The following FREM1 variants were observed in gnomAD, a reference collection of about 807,000 sequenced individuals.
FREM1 encodes the protein FRAS1 related extracellular matrix 1.
In FREM1, 220 loss-of-function variants were observed where a neutral mutation model predicts 210.1. The observed-to-expected ratio is 1.05, with a 90% confidence interval of 0.94 to 1.17. The LOEUF is 1.17. FREM1 is among the 50% of genes most tolerant of loss of function. The probability of loss-of-function intolerance (pLI) is 0.00; values close to 1 mark genes in which losing one functional copy is unlikely to be tolerated. For synonymous variants in FREM1, 1,189 were observed against 980.2 expected, an observed-to-expected ratio of 1.21 and a Z score of -3.98; for missense variants, 3,454 against 2,675.5, an observed-to-expected ratio of 1.29 and a Z score of -6.42.
At chr9:14,739,598 ATAAT>A (rs1216219323) in intron 36 of FREM1, among the ~76,000 whole-genome samples, 2 of 148,886 alleles carry the variant, frequency 1.3e-5, no homozygotes, top group African/African-American at 4.9e-5. Context: ...CCACATGCAT[ATAAT>A]TGTTTTTATT....
intron 23 of FREM1, among the ~76,000 whole-genome samples, chr9:14,785,301 T>G (rs1258475926): frequency 6.6e-6 from 1 of 152,230 alleles, no homozygotes; most frequent in Non-Finnish European, 1.5e-5. Flanking sequence ...ATGTAGTTTA[T>G]TAACATTCAT....
Position 14,746,975 on chromosome 9 carries a change from T to C in FREM1, c.6086A>G (p.Lys2029Arg), listed in dbSNP as rs886063765. ...GLFHFEEGIQ[K>R]LYQCNGIAWK... is the part of the protein sequence containing the mutation. Reference sequence around the variant, plus strand: ...GGCGATCCCATTGCACTGATACAGCTTCTGGATGCCTTCTTCAAAATGGAA... The same window carrying C: ...GGCGATCCCATTGCACTGATACAGCCTCTGGATGCCTTCTTCAAAATGGAA... Residue 2029 changes from lysine to arginine, a missense_variant, in exon 34 of 37, where the codon AAG becomes AGG. Physicochemically the swap from Lys to Arg is conservative, Grantham distance 26 (BLOSUM62 2). Coordinates refer to ENST00000380880, the MANE Select transcript of FREM1 (RefSeq NM_001379081.2). The C allele has an allele frequency of 6.2e-7, 1 of 1,613,440 alleles. No homozygotes were observed. The highest frequency in any genetic ancestry group is 8.5e-7 in the Non-Finnish European group (1 of 1,179,694).
intron 34 of FREM1, 86 bp from the exon 35 acceptor site, chr9:14,746,554 A>C: frequency 9.8e-7 from 1 of 1,017,420 alleles, no homozygotes; most frequent in Non-Finnish European, 1.5e-6. Flanking sequence ...GAGTTCCCTA[A>C]CTTCAGTCAA....
At position 14,746,337 on chromosome 9, in the gene FREM1, C is replaced by A. The variant is rs758946037; in HGVS notation, c.6254+16G>T. 2.6e-5 allele frequency: 41 copies of A among 1,551,598 alleles called. No homozygotes were observed. Among genetic ancestry groups the A allele is most frequent in the Non-Finnish European group, 8.9e-7 (1 of 1,124,380 alleles). The stretch of plus-strand genomic sequence containing the variant: ...GAAAAGAAAACACCAATCAAATGTG[C>A]AATAGGGTGCCTTACTGTTCCCTGC... On this transcript the variant is annotated intron_variant, in intron 35 of 36. Coordinates refer to ENST00000380880, the MANE Select transcript of FREM1 (RefSeq NM_001379081.2).
intron 1 of FREM1, among the ~76,000 whole-genome samples, chr9:14,891,243 T>C (rs2132377776): frequency 6.6e-6 from 1 of 152,380 alleles, no homozygotes; most frequent in South Asian, 2.1e-4. Context: ...ATTTTCAGAA[T>C]GTATCTTGGC....
At chr9:14,893,852 G>A (rs1223649549) in intron 1 of FREM1, among the ~76,000 whole-genome samples, 2 of 152,118 alleles carry the variant, frequency 1.3e-5, no homozygotes, top group Non-Finnish European at 2.9e-5. Flanking sequence ...AAAATTAATT[G>A]TAAAAGAGAT....
At chr9:14,805,388 C>G (rs1011733317) in intron 18 of FREM1, among the ~76,000 whole-genome samples, 7 of 152,194 alleles carry the variant, frequency 4.6e-5, no homozygotes, top group African/African-American at 1.2e-4. Context: ...AAGAGTAATA[C>G]TTTTTAACCA....
intron 24 of FREM1, chr9:14,779,673 A>T (rs923920): frequency 0.55 from 89,054 of 161,640 alleles, 25,455 homozygotes; most frequent in African/African-American, 0.71. Flanking sequence ...CCCTGCTGGA[A>T]GATCGTGATC....
Position 14,880,402 on chromosome 9 carries a change from G to A in FREM1, c.-267-11158C>T, listed in dbSNP as rs1360848505. Among the ~76,000 whole-genome samples, 8 of 151,976 alleles carry A rather than the reference G, an allele frequency of 5.3e-5. No homozygotes were observed. The South Asian group carries it at 6.2e-4, about 12-fold the overall frequency. ...GTGGATCACCTGAAGTCAGGAGTTC[G>A]AGACCAGCCTGGCCAACATGTCAAA... On this transcript the variant is annotated intron_variant, in intron 1 of 36. Coordinates refer to ENST00000380880, the MANE Select transcript of FREM1 (RefSeq NM_001379081.2).
intron 1 of FREM1, among the ~76,000 whole-genome samples, chr9:14,907,844 G>A (rs1055234208): frequency 1.3e-5 from 2 of 152,184 alleles, no homozygotes; most frequent in South Asian, 2.1e-4. Flanking sequence ...TCAGAGCTAG[G>A]AAGATACCAA....
rs187755489 is a variant in FREM1 at position 14,812,062 on chromosome 9, G to A, written c.2893+750C>T. Among the ~76,000 whole-genome samples, 15 of 152,282 alleles carry A rather than the reference G, an allele frequency of 9.9e-5. 1 individual carries two copies. The highest frequency in any genetic ancestry group is 9.8e-4 in the Admixed American group (15 of 15,298). On this transcript the variant is annotated intron_variant, in intron 16 of 36. Transcript: ENST00000380880. ...TGATGTGATGATGTGCAGTGTGTCA[G>A]TGTCAGTCACACTGTCATCTTTGCA...
chr9:14,777,760 G>C (rs367919302), intron 24 of FREM1, among the ~76,000 whole-genome samples: 18 of 152,174 alleles, frequency 1.2e-4, no homozygotes, highest in African/African-American at 3.9e-4. Flanking sequence ...TTCAGGGTTT[G>C]AGCATTGATC....
chr9:14,750,243 G>A lies in FREM1; in HGVS notation c.5441C>T (p.Thr1814Ile). The change falls in exon 30 of 37, where the codon ACC (threonine) becomes ATC (isoleucine). Residue 1814 changes from threonine (T) to isoleucine (I), a missense_variant. Thr to Ile is a moderately conservative substitution (Grantham distance 89). Coordinates refer to ENST00000380880, the MANE Select transcript of FREM1 (RefSeq NM_001379081.2). ...ATCATCTTCCTCTAATCCGTCATAG[G>A]TAATTGCTATATTCCACATCTTAGT... ...MSTKMWNIAITYDGLEEDDEV... is the reference protein window; with the variant it reads ...MSTKMWNIAIIYDGLEEDDEV... The A allele has an allele frequency of 6.2e-7, 1 of 1,612,426 alleles. No homozygotes were observed. Among genetic ancestry groups the A allele is most frequent in the Non-Finnish European group, 8.5e-7 (1 of 1,178,724 alleles).
rs1391087211 is a variant in FREM1 at position 14,771,357 on chromosome 9, C to T, written c.4858-551G>A. ...AAAATGTTGAATAAAAATAGAGATA[C>T]CTCAGTAAGGAAAAAGTGAAAGGTG... On this transcript the variant is annotated intron_variant, in intron 25 of 36. Transcript: ENST00000380880. Among the ~76,000 whole-genome samples the T allele has an allele frequency of 2.6e-5, 4 of 152,116 alleles. No homozygotes were observed. In the South Asian group the frequency reaches 8.3e-4, roughly 32 times the overall value.
rs758700851 is a variant in FREM1, at chr9:14,824,888, A to C, written c.1986T>G (p.Thr662=). 1 of 1,613,446 alleles carries C rather than the reference A, an allele frequency of 6.2e-7. No individual in the cohort carries two copies. The highest frequency in any genetic ancestry group is 8.5e-7 in the Non-Finnish European group (1 of 1,179,590). Reference sequence around the variant, plus strand: ...AATCTATAAAATGTAGCTGTTTCTTAGTTATATAGGCCACCTCAGTTTCCT... The same window carrying C: ...AATCTATAAAATGTAGCTGTTTCTTCGTTATATAGGCCACCTCAGTTTCCT... The part of the protein sequence containing the change: ...VVKETEVAYI[T]KKQLHFIDSE... Residue 662 remains threonine (T), a synonymous_variant, in exon 11 of 37, where the codon ACT becomes ACG. Coordinates refer to ENST00000380880, the MANE Select transcript of FREM1 (RefSeq NM_001379081.2).
intron 1 of FREM1, among the ~76,000 whole-genome samples, chr9:14,879,274 T>C (rs1291288339): frequency 1.3e-5 from 2 of 151,440 alleles, no homozygotes; most frequent in Non-Finnish European, 2.9e-5. Flanking sequence ...TCCTGGGATA[T>C]ATGGAAAAAG....
intron 1 of FREM1, among the ~76,000 whole-genome samples, chr9:14,894,999 G>A (rs1045953926): frequency 1.3e-5 from 2 of 152,200 alleles, no homozygotes; most frequent in Admixed American, 6.5e-5. Flanking sequence ...CACAGTTTCT[G>A]TACAGGGTTC....
In FREM1 at chr9:14,847,812, C is replaced by A. The variant is rs1276174718; in HGVS notation, c.1261+853G>T. Among the ~76,000 whole-genome samples, 10 of 152,136 alleles carry A rather than the reference C, an allele frequency of 6.6e-5. No individual in the cohort carries two copies. The East Asian group carries it at 1.9e-3, about 29-fold the overall frequency. ...AGACTATTCCATCTCTACACTCAGG[C>A]AGGAGCCCATGCAACATGTGATTAT... On this transcript the variant is annotated intron_variant, in intron 7 of 36. Transcript: ENST00000380880.
At chr9:14,747,844 A>G in intron 31 of FREM1, 116 bp from the exon 32 acceptor site, 1 of 558,644 alleles carries the variant, frequency 1.8e-6, no homozygotes, top group African/African-American at 2.0e-5. Flanking sequence ...AACATATGTA[A>G]TCTTAAGATT....
Sources: gnomAD v4.1 joint callset for allele counts (sites outside exome capture counted in the v4.1 genomes callset) on GRCh38, gnomAD v4.1.1 for gene constraint, MANE v1.5 for transcripts, NCBI Gene and HGNC (gene_info 2026-07-23, HGNC 2026-07-21) for gene names.